The following LPP variants were observed in gnomAD, a reference collection of about 807,000 sequenced individuals.
LPP encodes lipoma-preferred partner.
A neutral mutation model predicts 60.4 loss-of-function variants in LPP; 38 were observed. That is an observed-to-expected ratio of 0.63 (90% CI 0.49 to 0.83). LPP has a LOEUF of 0.83. Ranked by LOEUF, LPP falls within the 40% of genes least tolerant of loss-of-function variation. The pLI is 0.00. For missense variants in LPP, 902 were observed against 783.6 expected (o/e 1.15, Z -1.80); for synonymous variants, 328 against 290.8 (o/e 1.13, Z -1.30).
chr3:188,195,090 C>G (rs1443811091), intron 1 of LPP, among the ~76,000 whole-genome samples: 1 of 152,114 alleles, frequency 6.6e-6, no homozygotes, highest in Non-Finnish European at 1.5e-5. Context: ...GAAACCTCGT[C>G]TCTACTAAAA....
intron 3 of LPP, among the ~76,000 whole-genome samples, chr3:188,377,352 G>A (rs9865817): frequency 0.35 from 52,711 of 152,104 alleles, 10,665 homozygotes; most frequent in Middle Eastern, 0.61. Flanking sequence ...CCAATCAGAC[G>A]TAGATTTGGT....
intron 1 of LPP, among the ~76,000 whole-genome samples, chr3:188,205,869 G>A (rs1011451346): frequency 2.6e-5 from 4 of 152,220 alleles, no homozygotes; most frequent in Non-Finnish European, 5.9e-5. Context: ...GTGGAGGAAG[G>A]AAGGGGACCG....
intron 9 of LPP, among the ~76,000 whole-genome samples, chr3:188,810,340 C>T (rs1024603770): frequency 3.3e-5 from 5 of 151,970 alleles, no homozygotes; most frequent in African/African-American, 1.2e-4. Context: ...CAGTAGTTTC[C>T]CCAACTCCCA....
intron 4 of LPP, 39 bp from the exon 5 acceptor site, chr3:188,484,553 A>G (rs751018482): frequency 6.4e-6 from 9 of 1,415,806 alleles, no homozygotes; most frequent in Non-Finnish European, 7.0e-6. Context: ...ATAACGTTGC[A>G]TCCTTATTAA....
intron 7 of LPP, among the ~76,000 whole-genome samples, chr3:188,651,922 G>A (rs184004568): frequency 6.6e-6 from 1 of 152,166 alleles, no homozygotes; most frequent in Non-Finnish European, 1.5e-5. Flanking sequence ...ACAGAGGTTG[G>A]TTGTAATCAT....
Position 188,609,108 on chromosome 3 carries a change from C to A in LPP, c.430-53C>A. 1 of 1,278,720 alleles carries A rather than the reference C, an allele frequency of 7.8e-7. No homozygotes were observed. The highest frequency in any genetic ancestry group is 1.4e-5 in the South Asian group (1 of 71,508). 79.2% of individuals were successfully genotyped at this position (1,278,720 alleles called of 1,614,324 possible). A position where few individuals can be genotyped will look rare whatever the true frequency, so the allele number is the denominator to read the frequency against. On this transcript the variant is annotated intron_variant, in intron 6 of 11. Coordinates refer to ENST00000617246, the MANE Select transcript of LPP (RefSeq NM_001375462.1). The surrounding 1 kb of genome is among the most constrained non-coding windows in gnomAD (Gnocchi z 6.9). ...TCATTTATTCATTTTTATTGAGTTTCGTTGGCAGTAATTTTTGCTTTCTTT... is the reference window on the plus strand; with the variant it reads ...TCATTTATTCATTTTTATTGAGTTTAGTTGGCAGTAATTTTTGCTTTCTTT...
chr3:188,841,268 C>G (rs749931544), intron 9 of LPP, among the ~76,000 whole-genome samples: 7 of 147,612 alleles, frequency 4.7e-5, no homozygotes, highest in Non-Finnish European at 8.9e-5. Flanking sequence ...TTTGAAACAT[C>G]TCTCAATGCC....
chr3:188,828,019 A>G (rs1560262497), intron 9 of LPP, among the ~76,000 whole-genome samples: 1 of 152,218 alleles, frequency 6.6e-6, no homozygotes, highest in African/African-American at 2.4e-5. Flanking sequence ...ACAATAGGAT[A>G]AAGTGTAACA....
intron 5 of LPP, among the ~76,000 whole-genome samples, chr3:188,510,149 A>G (rs1815017860): frequency 6.6e-6 from 1 of 152,198 alleles, no homozygotes. Flanking sequence ...ACATGAGCAG[A>G]ATTCTGGGGT....
intron 5 of LPP, among the ~76,000 whole-genome samples, chr3:188,518,219 T>C (rs1315538351): frequency 6.6e-6 from 1 of 152,164 alleles, no homozygotes; most frequent in East Asian, 1.9e-4. Flanking sequence ...GCACACACTT[T>C]CAAAATTCCT....
chr3:188,650,064 C>G (rs6805072), intron 7 of LPP, among the ~76,000 whole-genome samples: 42,856 of 152,132 alleles, frequency 0.28, 6,541 homozygotes, highest in Non-Finnish European at 0.35. Context: ...ATAGATTTCT[C>G]ACTTGAAACA....
At chr3:188,479,148 T>C (rs1804052230) in intron 4 of LPP, among the ~76,000 whole-genome samples, 1 of 152,212 alleles carries the variant, frequency 6.6e-6, no homozygotes, top group South Asian at 2.1e-4. Context: ...TGTGTGCGTG[T>C]GTGTGTAGGT....
At chr3:188,311,320 A>G (rs1753334272) in intron 2 of LPP, among the ~76,000 whole-genome samples, 1 of 152,050 alleles carries the variant, frequency 6.6e-6, no homozygotes, top group Non-Finnish European at 1.5e-5. Context: ...AAAAAAATGA[A>G]ATAAAACAAT....
intron 1 of LPP, chr3:188,179,864 T>A (rs1038234758): frequency 3.5e-5 from 9 of 255,032 alleles, no homozygotes; most frequent in Admixed American, 1.0e-4. Flanking sequence ...CTTGAGGCCT[T>A]GTCTTTTGCA....
intron 1 of LPP, chr3:188,178,967 A>G: frequency 3.7e-6 from 1 of 270,698 alleles, no homozygotes; most frequent in Non-Finnish European, 7.4e-6. Context: ...GGGGAGTGGG[A>G]GAGAGAGGGA....
Position 188,318,095 on chromosome 3 carries a change from A to G in LPP, c.-66-23568A>G, listed in dbSNP as rs189098626. Among the ~76,000 whole-genome samples the G allele has an allele frequency of 7.2e-5, 11 of 152,284 alleles. No individual in the cohort carries two copies. In the East Asian group the frequency reaches 2.1e-3, roughly 29 times the overall value. Reference sequence around the variant, plus strand: ...TCCAAATGTCCTCCAGGAGGGTAGAAGCTGGTTTTAAAGCTCCTCAGGGTC... The same window carrying G: ...TCCAAATGTCCTCCAGGAGGGTAGAGGCTGGTTTTAAAGCTCCTCAGGGTC... On this transcript the variant is annotated intron_variant, in intron 2 of 11. Coordinates refer to ENST00000617246, the MANE Select transcript of LPP (RefSeq NM_001375462.1).
intron 9 of LPP, among the ~76,000 whole-genome samples, chr3:188,805,992 A>G (rs1328080890): frequency 1.3e-5 from 2 of 151,860 alleles, no homozygotes; most frequent in African/African-American, 2.4e-5. Flanking sequence ...TTTATGTGCT[A>G]GAAATATGGT....
At chr3:188,798,624 G>T (rs1196097091) in intron 9 of LPP, among the ~76,000 whole-genome samples, 1 of 152,164 alleles carries the variant, frequency 6.6e-6, no homozygotes, top group Non-Finnish European at 1.5e-5. Context: ...TATCGTATGG[G>T]GTACAATGGC....
intron 9 of LPP, among the ~76,000 whole-genome samples, chr3:188,813,153 T>C (rs1188663719): frequency 6.6e-6 from 1 of 152,186 alleles, no homozygotes; most frequent in Non-Finnish European, 1.5e-5. Context: ...CGAATCGAAT[T>C]AGAAAAATGG....
Sources: gnomAD v4.1 joint callset for allele counts (sites outside exome capture counted in the v4.1 genomes callset) on GRCh38, gnomAD v4.1.1 for gene constraint, Gnocchi (gnomAD v3.1) non-coding constraint, MANE v1.5 for transcripts, NCBI Gene and HGNC (gene_info 2026-07-23, HGNC 2026-07-21) for gene names.